ZHX2: variants seen among roughly 807,000 people sequenced by gnomAD.
ZHX2 encodes the protein zinc fingers and homeoboxes 2.
Under a neutral mutation model 21.9 loss-of-function variants are expected in ZHX2, and 6 were observed. That is an observed-to-expected ratio of 0.27 (90% CI 0.15 to 0.54). The LOEUF (loss-of-function observed/expected upper bound fraction) is 0.54, where lower values mean the gene tolerates loss of function less well. ZHX2 is among the 20% of genes least tolerant of loss of function. The probability of loss-of-function intolerance (pLI) is 0.95; values close to 1 mark genes in which losing one functional copy is unlikely to be tolerated. For missense variants in ZHX2, 908 were observed against 1,090.7 expected (o/e 0.83, Z 2.36); for synonymous variants, 434 against 437.1 (o/e 0.99, Z 0.09).
At chr8:122,799,219 G>A (rs1817669828) in intron 1 of ZHX2, among the ~76,000 whole-genome samples, 1 of 152,132 alleles carries the variant, frequency 6.6e-6, no homozygotes, top group Non-Finnish European at 1.5e-5. Flanking sequence ...TGGTGTGCAG[G>A]GCAAGAGAGT....
chr8:122,909,591 C>T (rs1002863337), intron 2 of ZHX2, among the ~76,000 whole-genome samples: 1 of 151,684 alleles, frequency 6.6e-6, no homozygotes, highest in Non-Finnish European at 1.5e-5. Context: ...ACAGATAATC[C>T]CCTCCTCCTC....
At chr8:122,963,072 G>C (rs1813496689) in intron 3 of ZHX2, among the ~76,000 whole-genome samples, 1 of 152,150 alleles carries the variant, frequency 6.6e-6, no homozygotes, top group African/African-American at 2.4e-5. Flanking sequence ...TCTGTGGGTT[G>C]TCTGTTTACT....
intron 3 of ZHX2, among the ~76,000 whole-genome samples, chr8:122,969,401 C>T (rs185882743): frequency 6.6e-6 from 1 of 152,158 alleles, no homozygotes; most frequent in Non-Finnish European, 1.5e-5. Flanking sequence ...ATCCTTACCT[C>T]CCCACTGCCC....
chr8:122,853,489 T>C (rs756887690), intron 1 of ZHX2, among the ~76,000 whole-genome samples: 3 of 152,136 alleles, frequency 2.0e-5, no homozygotes, highest in Non-Finnish European at 4.4e-5. Context: ...CTCCCGGTCA[T>C]GTAAGACAAT....
intron 3 of ZHX2, among the ~76,000 whole-genome samples, chr8:122,957,209 T>C (rs1428600294): frequency 6.7e-6 from 1 of 150,062 alleles, no homozygotes; most frequent in Non-Finnish European, 1.5e-5. Context: ...TCACTCTTCC[T>C]CCTGCCATCT....
intron 3 of ZHX2, among the ~76,000 whole-genome samples, chr8:122,958,219 C>T (rs1813356740): frequency 6.6e-6 from 1 of 152,184 alleles, no homozygotes; most frequent in Non-Finnish European, 1.5e-5. Context: ...TTGACTCAGT[C>T]CAGGCTCACC....
intron 2 of ZHX2, among the ~76,000 whole-genome samples, chr8:122,924,048 G>T (rs924407076): frequency 1.3e-5 from 2 of 152,154 alleles, no homozygotes; most frequent in African/African-American, 4.8e-5. Context: ...TGTCCAGGCC[G>T]TGATTACCTG....
At chr8:122,784,979 A>T (rs1817364473) in intron 1 of ZHX2, among the ~76,000 whole-genome samples, 1 of 152,236 alleles carries the variant, frequency 6.6e-6, no homozygotes. Context: ...GACATTATGG[A>T]GATGCTGGTG....
intron 2 of ZHX2, among the ~76,000 whole-genome samples, chr8:122,907,851 GC>G (rs1190079085): frequency 6.6e-6 from 1 of 152,268 alleles, no homozygotes. Flanking sequence ...GCCACTCCCA[GC>G]CCAGCACCAG....
rs559466689 is a variant in ZHX2 at position 122,864,464 on chromosome 8, G to A, written c.-220+925G>A. 2.6e-5 allele frequency among the ~76,000 whole-genome samples: 4 copies of A among 152,126 alleles called. No homozygotes were observed. In the South Asian group the frequency reaches 8.3e-4, roughly 32 times the overall value. ...ACACCTGCTGTATGTGGTCCAGGGG[G>A]CAACTCTCAAAGCATAATGAGAGTT... On this transcript the variant is annotated intron_variant, in intron 2 of 3. Coordinates refer to ENST00000314393, the MANE Select transcript of ZHX2 (RefSeq NM_014943.5).
intron 3 of ZHX2, among the ~76,000 whole-genome samples, chr8:122,969,037 T>C (rs1437726089): frequency 7.9e-5 from 12 of 151,934 alleles, no homozygotes; most frequent in Non-Finnish European, 1.5e-5. Context: ...GGCACACACC[T>C]GTAGTTCCAG....
At chr8:122,888,212 C>CA (rs1459631723) in intron 2 of ZHX2, among the ~76,000 whole-genome samples, 1 of 152,050 alleles carries the variant, frequency 6.6e-6, no homozygotes, top group African/African-American at 2.4e-5. Flanking sequence ...CTGCAGAGTT[C>CA]AGAGTCCAGA....
chr8:122,813,914 G>A (rs1467792349), intron 1 of ZHX2, among the ~76,000 whole-genome samples: 4 of 151,990 alleles, frequency 2.6e-5, no homozygotes, highest in Admixed American at 6.6e-5. Context: ...TATCACATAC[G>A]GTCATTACAT....
rs578236785 is a variant in ZHX2, at chr8:122,828,519, A to G, written c.-282-34958A>G. Among the ~76,000 whole-genome samples, 1 of 152,346 alleles carries G rather than the reference A, an allele frequency of 6.6e-6. No homozygotes were observed. Among genetic ancestry groups the G allele is most frequent in the Non-Finnish European group, 1.5e-5 (1 of 68,028 alleles). On this transcript the variant is annotated intron_variant, in intron 1 of 3. Coordinates refer to ENST00000314393, the MANE Select transcript of ZHX2 (RefSeq NM_014943.5). The surrounding 1 kb of genome is among the most constrained non-coding windows in gnomAD (Gnocchi z 5.2). ...GCTGCGGCCCACGAATGCATCTACC[A>G]GTGTGCAGCTAAACCCATGGCAGGA... is the stretch of plus-strand genomic sequence containing the variant.
chr8:122,882,610 C>T (rs1476233085), intron 2 of ZHX2, among the ~76,000 whole-genome samples: 1 of 152,126 alleles, frequency 6.6e-6, no homozygotes, highest in East Asian at 1.9e-4. Flanking sequence ...AGCCACCCCG[C>T]CTGAGTGGTC....
intron 3 of ZHX2, among the ~76,000 whole-genome samples, chr8:122,967,706 G>C (rs1461637693): frequency 6.6e-6 from 1 of 152,244 alleles, no homozygotes; most frequent in Admixed American, 6.5e-5. Context: ...GGCATTAGCT[G>C]TTGTTTGCTC....
rs1262973118 is a variant in ZHX2 at position 122,828,187 on chromosome 8, G to C, written c.-282-35290G>C. ...CACCTAGACAGCACTGGCCAGGAGA[G>C]CAGAGGCGAGTGCAGCGTATATGGA... On this transcript the variant is annotated intron_variant, in intron 1 of 3. Coordinates refer to ENST00000314393, the MANE Select transcript of ZHX2 (RefSeq NM_014943.5). This position sits in a 1 kb window ranked among gnomAD's most constrained non-coding sequence, Gnocchi z 5.2. Among the ~76,000 whole-genome samples, 1 of 152,184 alleles carries C rather than the reference G, an allele frequency of 6.6e-6. No homozygotes were observed. Among genetic ancestry groups the C allele is most frequent in the Non-Finnish European group, 1.5e-5 (1 of 68,034 alleles).
intron 1 of ZHX2, among the ~76,000 whole-genome samples, chr8:122,809,403 G>A (rs1158301155): frequency 6.6e-6 from 1 of 152,206 alleles, no homozygotes; most frequent in Non-Finnish European, 1.5e-5. Flanking sequence ...GGGAGGCTGA[G>A]GCAGGAGAGT....
intron 1 of ZHX2, among the ~76,000 whole-genome samples, chr8:122,849,302 G>C (rs890136578): frequency 8.5e-5 from 13 of 152,266 alleles, no homozygotes; most frequent in African/African-American, 3.1e-4. Flanking sequence ...TCCCAGCTCT[G>C]CTACTCACTT....
Sources: allele counts gnomAD v4.1 joint callset (sites outside exome capture counted in the v4.1 genomes callset), GRCh38; gene constraint gnomAD v4.1.1; non-coding constraint Gnocchi (gnomAD v3.1); transcripts MANE v1.5; gene names NCBI Gene and HGNC (gene_info 2026-07-23, HGNC 2026-07-21).